Variants in WTAP observed in about 807,000 individuals in gnomAD.
WTAP encodes the protein pre-mRNA-splicing regulator WTAP.
WTAP carries 8 observed loss-of-function variants against 50.0 expected under a neutral mutation model. The observed-to-expected ratio is 0.16, with a 90% confidence interval of 0.09 to 0.29. The LOEUF (loss-of-function observed/expected upper bound fraction) is 0.29, where lower values mean the gene tolerates loss of function less well. Ranked by LOEUF, WTAP falls within the 10% of genes least tolerant of loss-of-function variation. The pLI, the probability that WTAP is intolerant of heterozygous loss-of-function variation, is 1.00. For synonymous variants in WTAP, 194 were observed against 169.0 expected, an observed-to-expected ratio of 1.15 and a Z score of -1.15; for missense variants, 295 against 470.7, an observed-to-expected ratio of 0.63 and a Z score of 3.45.
chr6:159,732,917 G>GTGTGTGTGTT (rs1387845552), intron 1 of WTAP, among the ~76,000 whole-genome samples: 2 of 139,064 alleles, frequency 1.4e-5, no homozygotes, highest in Admixed American at 7.5e-5. Context: ...GTGTGTGTGT[G>GTGTGTGTGTT]TAAAATTGAT....
chr6:159,739,117 C>CT, intron 3 of WTAP, 72 bp downstream of exon 3: 1 of 1,237,650 alleles, frequency 8.1e-7, no homozygotes, highest in East Asian at 2.4e-5. Context: ...CTGTAATTGT[C>CT]TTTGTGCCAG....
chr6:159,748,415 C>T lies in WTAP; in HGVS notation c.452+46C>T, dbSNP rs374361321. ...AGTCAAGACTTCCCTGACAGTCCCA[C>T]TACGAGAAAGCTGTGGTGGGACAGC... On this transcript the variant is annotated intron_variant, in intron 6 of 7. Transcript: ENST00000621533. This position sits in a 1 kb window ranked among gnomAD's most constrained non-coding sequence, Gnocchi z 5.6. 1 of 1,603,460 alleles carries T rather than the reference C, an allele frequency of 6.2e-7. No homozygotes were observed. The highest frequency in any genetic ancestry group is 1.1e-5 in the South Asian group (1 of 89,930).
At chr6:159,754,499 A>G (rs1417576290) in intron 7 of WTAP, among the ~76,000 whole-genome samples, 1 of 152,182 alleles carries the variant, frequency 6.6e-6, no homozygotes, top group African/African-American at 2.4e-5. Context: ...GATCAAAACA[A>G]TTTTAACTTG....
intron 6 of WTAP, among the ~76,000 whole-genome samples, chr6:159,752,564 T>C (rs1016192445): frequency 2.6e-5 from 4 of 152,214 alleles, no homozygotes; most frequent in African/African-American, 9.6e-5. Flanking sequence ...CACTCCTAGA[T>C]TGGCAGATAT....
intron 5 of WTAP, among the ~76,000 whole-genome samples, chr6:159,744,731 C>G (rs936288988): frequency 6.6e-6 from 1 of 152,158 alleles, no homozygotes; most frequent in Non-Finnish European, 1.5e-5. Context: ...ACCCCCCCGC[C>G]CTTTTCTTGA....
intron 1 of WTAP, among the ~76,000 whole-genome samples, chr6:159,730,715 G>T (rs1296079971): frequency 6.6e-6 from 1 of 152,148 alleles, no homozygotes; most frequent in African/African-American, 2.4e-5. Flanking sequence ...TTCCCAAGTT[G>T]GATACCCCAG....
intron 7 of WTAP, among the ~76,000 whole-genome samples, chr6:159,754,501 T>G (rs1394270150): frequency 6.6e-6 from 1 of 152,186 alleles, no homozygotes; most frequent in Non-Finnish European, 1.5e-5. Context: ...TCAAAACAAT[T>G]TTAACTTGGT....
rs527705015 is a variant in WTAP at position 159,748,879 on chromosome 6, A to T, written c.452+510A>T. The T allele has an allele frequency of 3.8e-5, 46 of 1,199,466 alleles. No individual in the cohort carries two copies. The highest frequency in any genetic ancestry group is 4.7e-5 in the African/African-American group (3 of 63,672). The allele number at this position is 1,199,466 out of a possible 1,614,324, so 74.3% of individuals were successfully genotyped here. On this transcript the variant is annotated intron_variant, in intron 6 of 7. Coordinates refer to ENST00000621533, the MANE Select transcript of WTAP (RefSeq NM_001270531.2). This position sits in a 1 kb window ranked among gnomAD's most constrained non-coding sequence, Gnocchi z 5.6. ...GAGACACTGTGTATCAGTTTTGCCAATAAGACTGTGGACTTCATGATTGTT... is the reference window on the plus strand; with the variant it reads ...GAGACACTGTGTATCAGTTTTGCCATTAAGACTGTGGACTTCATGATTGTT...
intron 2 of WTAP, 95 bp downstream of exon 2, chr6:159,736,390 C>T (rs1043487059): frequency 1.0e-5 from 10 of 974,904 alleles, no homozygotes; most frequent in African/African-American, 3.3e-5. Context: ...AAGGGATTAT[C>T]GTTGTTTGCT....
chr6:159,750,774 G>A (rs1779789341), intron 6 of WTAP, among the ~76,000 whole-genome samples: 2 of 152,268 alleles, frequency 1.3e-5, no homozygotes, highest in African/African-American at 4.8e-5. Context: ...TATAAAATTG[G>A]CTGTAAGCCA....
chr6:159,732,872 CTG>C (rs1393833380), intron 1 of WTAP, among the ~76,000 whole-genome samples: 1 of 123,334 alleles, frequency 8.1e-6, no homozygotes, highest in East Asian at 2.4e-4. Flanking sequence ...CTCTCTCTCT[CTG>C]TATATATATA....
chr6:159,750,072 G>C (rs1779763401), intron 6 of WTAP, among the ~76,000 whole-genome samples: 1 of 151,784 alleles, frequency 6.6e-6, no homozygotes, highest in African/African-American at 2.4e-5. Flanking sequence ...GGTTGAAGAA[G>C]TGGTTTGTGT....
chr6:159,737,226 T>G (rs1778975846), intron 2 of WTAP, among the ~76,000 whole-genome samples: 1 of 152,122 alleles, frequency 6.6e-6, no homozygotes, highest in Non-Finnish European at 1.5e-5. Flanking sequence ...TTTTTGTATT[T>G]CTTGTAGAGA....
chr6:159,742,892 C>CA (rs60309252), intron 4 of WTAP, among the ~76,000 whole-genome samples: 2,934 of 137,848 alleles, frequency 0.021, 36 homozygotes, highest in Non-Finnish European at 0.029. Context: ...CTTGTCTCTA[C>CA]AAAAAAAAAA....
chr6:159,744,432 C>CA (rs1779445045), intron 5 of WTAP, among the ~76,000 whole-genome samples: 1 of 152,124 alleles, frequency 6.6e-6, no homozygotes, highest in Non-Finnish European at 1.5e-5. Flanking sequence ...ACTCTCCCTT[C>CA]ATTTGGTACA....
intron 1 of WTAP, 56 bp from the exon 2 acceptor site, chr6:159,736,202 C>G (rs558500823): frequency 6.6e-7 from 1 of 1,525,258 alleles, no homozygotes; most frequent in Non-Finnish European, 8.9e-7. Context: ...TTTTTTATTC[C>G]TACTTTCACT....
At chr6:159,727,403 G>GGCGGGAGGCGGGAA, upstream of WTAP, 1 of 1,224,326 alleles carries the variant, frequency 8.2e-7, no homozygotes, top group South Asian at 1.4e-5. Flanking sequence ...GGAGGCGGGA[G>GGCGGGAGGCGGGAA]GCAGTGGCGC....
upstream of WTAP, chr6:159,727,040 G>A: frequency 1.6e-6 from 2 of 1,226,386 alleles, no homozygotes; most frequent in Non-Finnish European, 2.1e-6. Flanking sequence ...GGTGGCCCCG[G>A]CGAGTACTTC....
intron 1 of WTAP, among the ~76,000 whole-genome samples, chr6:159,731,335 G>T (rs1441865826): frequency 6.6e-6 from 1 of 151,940 alleles, no homozygotes; most frequent in South Asian, 2.1e-4. Context: ...GGGCGTGGTG[G>T]TTCATGCCTG....
Sources: gnomAD v4.1 joint callset for allele counts (sites outside exome capture counted in the v4.1 genomes callset) on GRCh38, gnomAD v4.1.1 for gene constraint, Gnocchi (gnomAD v3.1) non-coding constraint, MANE v1.5 for transcripts, NCBI Gene and HGNC (gene_info 2026-07-23, HGNC 2026-07-21) for gene names.